The following USP6 variants were observed in gnomAD, a reference collection of about 807,000 sequenced individuals.
The protein encoded by USP6 is ubiquitin specific peptidase 6.
USP6 carries 128 observed loss-of-function variants against 175.7 expected under a neutral mutation model. That is an observed-to-expected ratio of 0.73 (90% CI 0.63 to 0.84). The LOEUF is 0.84. USP6 is among the 40% of genes least tolerant of loss of function. The pLI is 0.00. For missense variants in USP6, 1,498 were observed against 1,760.3 expected (o/e 0.85, Z 2.67); for synonymous variants, 562 against 630.6 (o/e 0.89, Z 1.63).
intron 25 of USP6, among the ~76,000 whole-genome samples, chr17:5,144,360 A>G (rs1175728959): frequency 1.3e-5 from 2 of 152,186 alleles, no homozygotes; most frequent in Non-Finnish European, 2.9e-5. Context: ...TGTGTAAAAC[A>G]TTATAGAACA....
chr17:5,138,298 C>T (rs769502723), intron 21 of USP6, 25 bp downstream of exon 21: 1 of 1,612,264 alleles, frequency 6.2e-7, no homozygotes, highest in Non-Finnish European at 8.5e-7. Flanking sequence ...CATGTCCCCT[C>T]CCATGTCAGC....
At chr17:5,145,963 C>T in intron 27 of USP6, 60 bp from the exon 28 acceptor site, 1 of 1,512,454 alleles carries the variant, frequency 6.6e-7, no homozygotes, top group Non-Finnish European at 8.9e-7. Flanking sequence ...CTGTACACAG[C>T]ATTTAAGGCT....
At chr17:5,166,173 G>A (rs550434139) in intron 33 of USP6, among the ~76,000 whole-genome samples, 1 of 152,038 alleles carries the variant, frequency 6.6e-6, no homozygotes. Context: ...GATGATGACA[G>A]TTAATATCTT....
rs2073180858 is a variant in USP6, at chr17:5,134,281, G to C, written c.494+285G>C. 1.2e-5 allele frequency: 5 copies of C among 414,686 alleles called. No homozygotes were observed. In the South Asian group the frequency reaches 1.2e-4, roughly 10 times the overall value. The allele number at this position is 414,686 out of a possible 1,614,324, so 25.7% of individuals were successfully genotyped here. On this transcript the variant is annotated intron_variant, in intron 15 of 37. Transcript: ENST00000574788. ...AAAGGTGCTCTCCCTGACCCACGGAGACCCATGGTAGGACCCACAGGAGGG... is the reference window on the plus strand; with the variant it reads ...AAAGGTGCTCTCCCTGACCCACGGACACCCATGGTAGGACCCACAGGAGGG...
chr17:5,154,803 A>G (rs1373882359), intron 30 of USP6, among the ~76,000 whole-genome samples: 2 of 151,810 alleles, frequency 1.3e-5, no homozygotes, highest in Non-Finnish European at 2.9e-5. Context: ...TGGCACGATC[A>G]CAGATCACTG....
chr17:5,120,825 G>C, intron 3 of USP6, 37 bp downstream of exon 3: 1 of 453,498 alleles, frequency 2.2e-6, no homozygotes, highest in Non-Finnish European at 4.4e-6. Context: ...GCACACATGT[G>C]GGCACATGTG....
At position 5,135,246 on chromosome 17, in the gene USP6, A is replaced by C. The variant is rs2073214017; in HGVS notation, c.507A>C (p.Leu169=). The C allele has an allele frequency of 1.9e-6, 3 of 1,612,816 alleles. No homozygotes were observed. The African/African-American group carries it at 4.0e-5, about 22-fold the overall frequency. Residue 169 remains leucine (L), a synonymous_variant, in exon 16 of 38, where the codon CTA becomes CTC. Coordinates refer to ENST00000574788, the MANE Select transcript of USP6 (RefSeq NM_001304284.2). The stretch of plus-strand genomic sequence containing the variant: ...CTGTGTTTCCTAGGCAGAGGGAACT[A>C]TTCTACATCCTCCTGGCCTATTCGG... ...RDRYGAKQRE[L]FYILLAYSEY... is the part of the protein sequence containing the mutation.
intron 32 of USP6, among the ~76,000 whole-genome samples, chr17:5,162,276 C>G (rs1247713428): frequency 3.9e-5 from 6 of 151,970 alleles, no homozygotes; most frequent in Non-Finnish European, 7.4e-5. Context: ...CTCAGCCTCC[C>G]GAGTAGCTGG....
Position 5,163,001 on chromosome 17 carries a change from A to G in USP6, c.3033A>G (p.Glu1011=), listed in dbSNP as rs773139616. 1 of 1,576,546 alleles carries G rather than the reference A, an allele frequency of 6.3e-7. No homozygotes were observed. The highest frequency in any genetic ancestry group is 1.2e-5 in the South Asian group (1 of 82,812). Residue 1011 remains glutamate, a synonymous_variant, in exon 33 of 38, where the codon GAA becomes GAG. Transcript: ENST00000574788. The stretch of plus-strand genomic sequence containing the variant: ...ACCTTCGCTATCAAACATCCCAGGA[A>G]AGGGTAAGAATTTAGGGCCACCGTA... ...ALHLRYQTSQ[E]RVVDKHESVE... is the part of the protein sequence containing the mutation.
intron 31 of USP6, among the ~76,000 whole-genome samples, chr17:5,157,023 C>A (rs543506449): frequency 2.0e-5 from 3 of 152,020 alleles, no homozygotes; most frequent in Non-Finnish European, 2.9e-5. Flanking sequence ...AGCCACCACA[C>A]CTGGCCAGAT....
chr17:5,145,284 A>T (rs2073574518), intron 26 of USP6, 121 bp from the exon 27 acceptor site: 2 of 1,213,020 alleles, frequency 1.6e-6, no homozygotes, highest in Non-Finnish European at 1.1e-6. Context: ...ATGTTAAATG[A>T]AGAGTAAGGA....
At position 5,137,725 on chromosome 17, in the gene USP6, C is replaced by A. The variant is rs1320139763; in HGVS notation, c.900C>A (p.Thr300=). The change falls in exon 20 of 38, where the codon ACC becomes ACA. Residue 300 remains threonine, a synonymous_variant. Coordinates refer to ENST00000574788, the MANE Select transcript of USP6 (RefSeq NM_001304284.2). ...VEGEQVLMPI[T]SIALKVQQKR... ...GAGAACAGGTGTTGATGCCAATAAC[C>A]AGCATTGCTCTTAAGGTTCAGCAGA... is the stretch of plus-strand genomic sequence containing the variant. 1 of 1,608,738 alleles carries A rather than the reference C, an allele frequency of 6.2e-7. No homozygotes were observed. Among genetic ancestry groups the A allele is most frequent in the Non-Finnish European group, 8.5e-7 (1 of 1,176,466 alleles).
intron 1 of USP6, among the ~76,000 whole-genome samples, 159 bp from the exon 2 acceptor site, chr17:5,118,041 C>T (rs2072573313): frequency 6.6e-6 from 1 of 150,562 alleles, no homozygotes; most frequent in Non-Finnish European, 1.5e-5. Context: ...TGCACTCTAG[C>T]CTGGGCAACA....
chr17:5,169,176 A>G, intron 35 of USP6, 121 bp downstream of exon 35: 1 of 1,147,208 alleles, frequency 8.7e-7, no homozygotes, highest in South Asian at 1.9e-5. Flanking sequence ...CTGGAATCAG[A>G]CCTATCTGTA....
At chr17:5,145,329 C>T in intron 26 of USP6, 76 bp from the exon 27 acceptor site, 5 of 1,452,164 alleles carry the variant, frequency 3.4e-6, no homozygotes, top group Non-Finnish European at 4.6e-6. Flanking sequence ...ATATATTTAA[C>T]CAGTTTCTGT....
intron 29 of USP6, 39 bp from the exon 30 acceptor site, chr17:5,148,517 C>T: frequency 6.2e-7 from 1 of 1,607,692 alleles, no homozygotes; most frequent in African/African-American, 1.3e-5. Flanking sequence ...ATGAAAATAC[C>T]ACAAGCTTAT....
At chr17:5,160,516 AT>A (rs888276313) in intron 31 of USP6, among the ~76,000 whole-genome samples, 38 of 152,268 alleles carry the variant, frequency 2.5e-4, no homozygotes, top group African/African-American at 8.7e-4. Context: ...GGATGAGTAA[AT>A]TTTTTTAAAA....
chr17:5,161,243 A>G (rs112937898), intron 31 of USP6, among the ~76,000 whole-genome samples: 24 of 152,364 alleles, frequency 1.6e-4, no homozygotes, highest in African/African-American at 5.0e-4. Flanking sequence ...ATTTGATTTC[A>G]TGATTAGCTT....
rs1598071655 is a variant in USP6, at chr17:5,155,448, A to C, written c.2670A>C (p.Ser890=). ...TGAGGACAGAACTGTATTTCCTGTC[A>C]CCTCAGGAGAATCGCCCCAGCCTCT... ...KMMRTELYFL[S]PQENRPSLFG... is the part of the protein sequence containing the mutation. The change falls in exon 31 of 38, where the codon TCA becomes TCC. Residue 890 remains serine, a synonymous_variant. Coordinates refer to ENST00000574788, the MANE Select transcript of USP6 (RefSeq NM_001304284.2). 1 of 1,614,014 alleles carries C rather than the reference A, an allele frequency of 6.2e-7. No individual in the cohort carries two copies. The highest frequency in any genetic ancestry group is 8.5e-7 in the Non-Finnish European group (1 of 1,179,932).
Sources: gnomAD v4.1 joint callset for allele counts (sites outside exome capture counted in the v4.1 genomes callset) on GRCh38, gnomAD v4.1.1 for gene constraint, MANE v1.5 for transcripts, NCBI Gene and HGNC (gene_info 2026-07-23, HGNC 2026-07-21) for gene names.